The following PCDHA1 variants were observed in gnomAD, a reference collection of about 807,000 sequenced individuals.
PCDHA1 encodes protocadherin alpha 1.
In PCDHA1, 42 loss-of-function variants were observed where a neutral mutation model predicts 61.3. The observed-to-expected ratio is 0.69, with a 90% confidence interval of 0.54 to 0.89. The LOEUF is 0.89. Ranked by LOEUF, PCDHA1 falls within the 40% of genes least tolerant of loss-of-function variation. PCDHA1 has a pLI of 0.00. For missense variants in PCDHA1, 1,256 were observed against 1,235.3 expected, an observed-to-expected ratio of 1.02 and a Z score of -0.25; for synonymous variants, 610 against 553.8, an observed-to-expected ratio of 1.10 and a Z score of -1.43.
intron 1 of PCDHA1, among the ~76,000 whole-genome samples, chr5:140,798,457 T>C (rs7701203): frequency 0.054 from 8,177 of 152,234 alleles, 724 homozygotes; most frequent in African/African-American, 0.19. Context: ...GTTTTTCAGG[T>C]GGTGGGACTT....
chr5:140,936,034 A>C (rs1554210820), intron 1 of PCDHA1, among the ~76,000 whole-genome samples: 1 of 151,842 alleles, frequency 6.6e-6, no homozygotes, highest in East Asian at 1.9e-4. Context: ...CGGGGATTAC[A>C]GGCACCCACC....
intron 1 of PCDHA1, among the ~76,000 whole-genome samples, chr5:140,873,074 C>G (rs2054074747): frequency 6.6e-6 from 1 of 152,140 alleles, no homozygotes; most frequent in Non-Finnish European, 1.5e-5. Flanking sequence ...TCATATCTAG[C>G]TATTTCCCCC....
chr5:140,882,868 G>A (rs1283664390), intron 1 of PCDHA1: 25 of 1,614,184 alleles, frequency 1.5e-5, no homozygotes, highest in Middle Eastern at 1.6e-4. Context: ...GGAAAACACT[G>A]GACAGAGAGG....
In PCDHA1 at chr5:141,012,192, T is replaced by TA. The variant is rs1424309622; in HGVS notation, c.*2256dup. 1 of 153,796 alleles carries TA rather than the reference T, an allele frequency of 6.5e-6. No homozygotes were observed. The highest frequency in any genetic ancestry group is 6.5e-5 in the Admixed American group (1 of 15,282). The allele number at this position is 153,796 out of a possible 1,614,324, so 9.5% of individuals were successfully genotyped here. ...AATGATGATAATTATAATGTATCTGTACAGCACTTTTTACATTTGCGAAGT... is the reference window on the plus strand; with the variant it reads ...AATGATGATAATTATAATGTATCTGTAACAGCACTTTTTACATTTGCGAAGT... On this transcript the variant is annotated 3_prime_UTR_variant, in exon 4 of 4. Transcript: ENST00000504120.
intron 1 of PCDHA1, among the ~76,000 whole-genome samples, chr5:140,889,878 A>G (rs1456816812): frequency 6.6e-6 from 1 of 152,178 alleles, no homozygotes; most frequent in African/African-American, 2.4e-5. Flanking sequence ...GCCTGCCACC[A>G]TGTAAGAATT....
intron 1 of PCDHA1, among the ~76,000 whole-genome samples, chr5:140,916,395 G>A (rs2077556484): frequency 6.6e-6 from 1 of 152,180 alleles, no homozygotes; most frequent in African/African-American, 2.4e-5. Flanking sequence ...GGAATGTGCT[G>A]GATCACACCT....
Position 140,788,580 on chromosome 5 carries a change from C to A in PCDHA1, c.2290C>A (p.Pro764Thr). ...RRQRVCSSEG[P>T]PKTDLMAFSP... is the part of the protein sequence containing the mutation. ...GCAGAGGGTGTGCTCTAGCGAGGGC[C>A]CACCCAAGACCGACCTCATGGCCTT... The change falls in exon 1 of 4, where the codon CCA becomes ACA. Residue 764 changes from proline (P) to threonine (T), a missense_variant. Transcript: ENST00000504120. 1 of 1,614,134 alleles carries A rather than the reference C, an allele frequency of 6.2e-7. No individual in the cohort carries two copies. The highest frequency in any genetic ancestry group is 8.5e-7 in the Non-Finnish European group (1 of 1,180,006).
At chr5:140,971,110 G>A (rs2096457221) in intron 1 of PCDHA1, among the ~76,000 whole-genome samples, 1 of 152,172 alleles carries the variant, frequency 6.6e-6, no homozygotes, top group Admixed American at 6.5e-5. Flanking sequence ...CTTTGGGATT[G>A]GGGTGGGCTA....
chr5:140,814,706 C>G (rs1320016960), intron 1 of PCDHA1: 2 of 152,166 alleles, frequency 1.3e-5, no homozygotes, highest in Non-Finnish European at 2.9e-5. Flanking sequence ...TACATCATCA[C>G]TAGGTGATAG....
chr5:140,989,422 TG>T (rs1554250798), intron 3 of PCDHA1, among the ~76,000 whole-genome samples: 2 of 152,128 alleles, frequency 1.3e-5, no homozygotes, highest in African/African-American at 4.8e-5. Flanking sequence ...CTTCACTCTG[TG>T]GGAAAAATTG....
chr5:140,965,283 A>G (rs1342044804), intron 1 of PCDHA1, among the ~76,000 whole-genome samples: 1 of 152,200 alleles, frequency 6.6e-6, no homozygotes, highest in Non-Finnish European at 1.5e-5. Context: ...CACAGCATGG[A>G]AAGATTTCCT....
intron 1 of PCDHA1, among the ~76,000 whole-genome samples, chr5:140,940,084 A>G (rs1320170233): frequency 1.3e-5 from 2 of 152,202 alleles, no homozygotes; most frequent in East Asian, 3.8e-4. Context: ...TCTTTCTGCT[A>G]AATTGAAACT....
chr5:140,831,011 C>T (rs1473200550), intron 1 of PCDHA1: 6 of 152,166 alleles, frequency 3.9e-5, no homozygotes, highest in Non-Finnish European at 5.9e-5. Flanking sequence ...CTGTGGTTCC[C>T]TTTTCAGACT....
intron 1 of PCDHA1, chr5:140,875,643 G>A: frequency 6.2e-7 from 1 of 1,613,696 alleles, no homozygotes; most frequent in Non-Finnish European, 8.5e-7. Flanking sequence ...TGGAGCTGGC[G>A]GAGCTGGTGC....
At chr5:140,808,295 G>A (rs1286163937) in intron 1 of PCDHA1, 7 of 1,614,130 alleles carry the variant, frequency 4.3e-6, no homozygotes, top group African/African-American at 1.3e-5. Context: ...TACAGTCATC[G>A]CCCTGATCAG....
intron 1 of PCDHA1, chr5:140,842,290 G>T: frequency 6.2e-7 from 1 of 1,610,202 alleles, no homozygotes; most frequent in South Asian, 1.1e-5. Context: ...TTGACGCCAC[G>T]GACAAAGGCC....
intron 1 of PCDHA1, chr5:140,928,625 A>T: frequency 6.2e-7 from 1 of 1,614,224 alleles, no homozygotes; most frequent in African/African-American, 1.3e-5. Flanking sequence ...AGGACTGGAC[A>T]CTTGGTCACA....
At chr5:140,992,188 T>C (rs1193005639) in intron 3 of PCDHA1, among the ~76,000 whole-genome samples, 6 of 152,140 alleles carry the variant, frequency 3.9e-5, no homozygotes, top group African/African-American at 1.4e-4. Flanking sequence ...ATGCTTTCAG[T>C]GATCTATCCA....
chr5:140,977,839 C>G (rs1400370638), intron 1 of PCDHA1, among the ~76,000 whole-genome samples: 1 of 152,176 alleles, frequency 6.6e-6, no homozygotes, highest in South Asian at 2.1e-4. Context: ...ATTGATATTA[C>G]TATGGCTTTG....
Sources: allele counts gnomAD v4.1 joint callset (sites outside exome capture counted in the v4.1 genomes callset), GRCh38; gene constraint gnomAD v4.1.1; transcripts MANE v1.5; gene names NCBI Gene and HGNC (gene_info 2026-07-23, HGNC 2026-07-21).